Variants in SCRN1 observed in about 807,000 individuals in gnomAD.
SCRN1 encodes secernin 1.
In SCRN1, 19 loss-of-function variants were observed where a neutral mutation model predicts 43.3. The ratio of observed to expected loss-of-function variants is 0.44; its 90% CI spans 0.31 to 0.64. The LOEUF is 0.64. Ranked by LOEUF, SCRN1 falls within the 30% of genes least tolerant of loss-of-function variation. The pLI is 0.09. For missense variants in SCRN1, 447 were observed against 524.1 expected (o/e 0.85, Z 1.44); for synonymous variants, 183 against 188.9 (o/e 0.97, Z 0.26).
upstream of SCRN1, chr7:29,989,812 G>GGCCCGCC (rs1233392513): frequency 1.0e-6 from 1 of 990,750 alleles, no homozygotes; most frequent in African/African-American, 1.7e-5. Flanking sequence ...CCGGCGCTGG[G>GGCCCGCC]GCCCGCCGCC....
At chr7:29,955,062 G>A in intron 3 of SCRN1, 117 bp downstream of exon 3, 1 of 782,566 alleles carries the variant, frequency 1.3e-6, no homozygotes, top group Non-Finnish European at 2.1e-6. Flanking sequence ...CTATCAAAAG[G>A]CACACATCAT....
intron 1 of SCRN1, among the ~76,000 whole-genome samples, chr7:29,972,815 C>T (rs930114161): frequency 6.6e-6 from 1 of 152,190 alleles, no homozygotes; most frequent in Non-Finnish European, 1.5e-5. Context: ...TGTATGTCCA[C>T]CATTCAATAT....
At position 29,923,805 on chromosome 7, in the gene SCRN1, G is replaced by A; in HGVS notation, c.*152C>T. 1 of 803,314 alleles carries A rather than the reference G, an allele frequency of 1.2e-6. No homozygotes were observed. The highest frequency in any genetic ancestry group is 2.5e-5 in the East Asian group (1 of 40,280). The allele number at this position is 803,314 out of a possible 1,614,324, so 49.8% of individuals were successfully genotyped here. ...CAGAAGGGGACGCTGTGAGATTCAA[G>A]GTGGAACACAAGGTAACAGTTTGAT... On this transcript the variant is annotated 3_prime_UTR_variant, in exon 8 of 8. Coordinates refer to ENST00000242059, the MANE Select transcript of SCRN1 (RefSeq NM_014766.5).
At chr7:29,988,237 A>C (rs995134641) in intron 1 of SCRN1, among the ~76,000 whole-genome samples, 1 of 152,210 alleles carries the variant, frequency 6.6e-6, no homozygotes, top group Non-Finnish European at 1.5e-5. Flanking sequence ...TGTAGGTATC[A>C]AACGACCTCC....
chr7:29,961,138 G>A (rs1382935310), intron 2 of SCRN1, among the ~76,000 whole-genome samples: 2 of 140,590 alleles, frequency 1.4e-5, no homozygotes, highest in African/African-American at 2.6e-5. Flanking sequence ...GCAGGGTCAT[G>A]GGACAATAGT....
At chr7:29,936,815 G>A (rs1787349760) in intron 5 of SCRN1, 94 bp from the exon 6 acceptor site, 1 of 1,018,932 alleles carries the variant, frequency 9.8e-7, no homozygotes, top group Admixed American at 2.7e-5. Context: ...GGGAGGCCGA[G>A]GCGGGCGGAT....
intron 3 of SCRN1, among the ~76,000 whole-genome samples, chr7:29,946,791 A>T (rs988716428): frequency 3.9e-5 from 6 of 152,224 alleles, no homozygotes; most frequent in African/African-American, 1.4e-4. Context: ...CCATGCCATG[A>T]GGACAGGGCC....
intron 3 of SCRN1, among the ~76,000 whole-genome samples, chr7:29,947,744 C>A (rs946192748): frequency 6.6e-6 from 1 of 152,190 alleles, no homozygotes; most frequent in Non-Finnish European, 1.5e-5. Flanking sequence ...AGCCTCATCC[C>A]CAGTGTGATG....
chr7:29,920,918 T>C lies in SCRN1; in HGVS notation c.*3039A>G, dbSNP rs1170855144. 1 of 152,352 alleles carries C rather than the reference T, an allele frequency of 6.6e-6. No individual in the cohort carries two copies. Among genetic ancestry groups the C allele is most frequent in the Non-Finnish European group, 1.5e-5 (1 of 68,048 alleles). 9.4% of individuals were successfully genotyped at this position (152,352 alleles called of 1,614,324 possible). A position where few individuals can be genotyped will look rare whatever the true frequency, so the allele number is the denominator to read the frequency against. On this transcript the variant is annotated 3_prime_UTR_variant, in exon 8 of 8. Transcript: ENST00000242059. ...TCTAATAACACCAGGTCTTATATTA[T>C]TGAGCACTAAGGAACCTCCATAATT...
chr7:29,968,712 C>T (rs1788573860), intron 2 of SCRN1, among the ~76,000 whole-genome samples, 197 bp downstream of exon 2: 1 of 152,130 alleles, frequency 6.6e-6, no homozygotes, highest in African/African-American at 2.4e-5. Flanking sequence ...AAACAATGGC[C>T]ATAGCAGTGA....
chr7:29,952,559 A>C (rs1343405025), intron 3 of SCRN1, among the ~76,000 whole-genome samples: 1 of 151,960 alleles, frequency 6.6e-6, no homozygotes, highest in Non-Finnish European at 1.5e-5. Flanking sequence ...GTGTGGTGGC[A>C]TACACCTGTA....
chr7:29,964,616 A>T (rs532800676), intron 2 of SCRN1, among the ~76,000 whole-genome samples: 1 of 152,306 alleles, frequency 6.6e-6, no homozygotes, highest in East Asian at 1.9e-4. Flanking sequence ...CAGGATATCC[A>T]ACACAGAGTA....
In SCRN1 at chr7:29,965,857, T is replaced by C. The variant is rs1028572780; in HGVS notation, c.159+3052A>G. On this transcript the variant is annotated intron_variant, in intron 2 of 7. Transcript: ENST00000242059. The surrounding 1 kb of genome is among the most constrained non-coding windows in gnomAD (Gnocchi z 4.2). ...AACCATGAGAGTAAAGTAAGAGTTA[T>C]GTAGCCTATCCTCCAAAAAAGAAAA... is the stretch of plus-strand genomic sequence containing the variant. 9.2e-5 allele frequency among the ~76,000 whole-genome samples: 14 copies of C among 152,182 alleles called. No homozygotes were observed. Among genetic ancestry groups the C allele is most frequent in the African/African-American group, 3.4e-4 (14 of 41,438 alleles).
At chr7:29,941,042 A>G (rs892672660) in intron 4 of SCRN1, among the ~76,000 whole-genome samples, 166 bp from the exon 5 acceptor site, 11 of 152,250 alleles carry the variant, frequency 7.2e-5, no homozygotes, top group African/African-American at 2.7e-4. Flanking sequence ...GTCTCTTTCT[A>G]GGAGACCTCC....
At chr7:29,979,719 G>A (rs1214511073) in intron 1 of SCRN1, among the ~76,000 whole-genome samples, 2 of 152,146 alleles carry the variant, frequency 1.3e-5, no homozygotes, top group Non-Finnish European at 2.9e-5. Flanking sequence ...TAGGGATTTT[G>A]TAAGTGAAGG....
chr7:29,921,318 G>T lies in SCRN1; in HGVS notation c.*2639C>A, dbSNP rs1053818049. On this transcript the variant is annotated 3_prime_UTR_variant, in exon 8 of 8. Coordinates refer to ENST00000242059, the MANE Select transcript of SCRN1 (RefSeq NM_014766.5). ...ACTGCCTTCAGAAAAGCAATCCCTG[G>T]TCCACAAATTATTCATGTAACAAGC... The T allele has an allele frequency of 3.3e-5, 5 of 152,298 alleles. No homozygotes were observed. Among genetic ancestry groups the T allele is most frequent in the African/African-American group, 1.2e-4 (5 of 41,404 alleles). 9.4% of individuals were successfully genotyped at this position (152,298 alleles called of 1,614,324 possible).
chr7:29,981,976 A>G (rs867397040), intron 1 of SCRN1, among the ~76,000 whole-genome samples: 1 of 152,216 alleles, frequency 6.6e-6, no homozygotes, highest in Non-Finnish European at 1.5e-5. Context: ...CACGCCTGTC[A>G]CTAGTACAGG....
At chr7:29,932,770 C>T (rs1787203965) in intron 6 of SCRN1, among the ~76,000 whole-genome samples, 1 of 151,632 alleles carries the variant, frequency 6.6e-6, no homozygotes, top group African/African-American at 2.4e-5. Flanking sequence ...TCCCTGGCAT[C>T]TCTCCAGCAC....
At chr7:29,938,629 A>T (rs1363138472) in intron 5 of SCRN1, among the ~76,000 whole-genome samples, 1 of 152,274 alleles carries the variant, frequency 6.6e-6, no homozygotes, top group Non-Finnish European at 1.5e-5. Context: ...AGCATGAGCA[A>T]TCTGTGTCTT....
Sources: gnomAD v4.1 joint callset for allele counts (sites outside exome capture counted in the v4.1 genomes callset) on GRCh38, gnomAD v4.1.1 for gene constraint, Gnocchi (gnomAD v3.1) non-coding constraint, MANE v1.5 for transcripts, NCBI Gene and HGNC (gene_info 2026-07-23, HGNC 2026-07-21) for gene names.